The following PCTP variants were observed in gnomAD, a reference collection of about 807,000 sequenced individuals.
PCTP encodes phosphatidylcholine transfer protein, also known as START domain-containing protein 2.
PCTP carries 27 observed loss-of-function variants against 31.0 expected under a neutral mutation model. The ratio of observed to expected loss-of-function variants is 0.87; its 90% CI spans 0.64 to 1.20. PCTP has a LOEUF of 1.20. Among genes scored for constraint, PCTP ranks in the 50% most tolerant of loss-of-function variants. The pLI is 0.00. For missense variants in PCTP, 287 were observed against 268.2 expected, an observed-to-expected ratio of 1.07 and a Z score of -0.49; for synonymous variants, 108 against 101.2, an observed-to-expected ratio of 1.07 and a Z score of -0.40.
downstream of PCTP, among the ~76,000 whole-genome samples, chr17:55,847,331 C>G (rs550224043): frequency 4.2e-3 from 644 of 152,236 alleles, 7 homozygotes; most frequent in African/African-American, 0.015. Flanking sequence ...GCTCCATGGC[C>G]CTACCCAAAT....
At chr17:55,777,403 C>T (rs745675685), downstream of PCTP, 10 of 978,934 alleles carry the variant, frequency 1.0e-5, no homozygotes, top group Non-Finnish European at 1.2e-5. Context: ...TCCTTCCTAC[C>T]TTCTTCCTTT....
chr17:55,822,573 A>ATCAGC (rs1157605320), intron 3 of PCTP, among the ~76,000 whole-genome samples: 1 of 152,200 alleles, frequency 6.6e-6, no homozygotes, highest in Admixed American at 6.5e-5. Flanking sequence ...GAGGATAAAA[A>ATCAGC]TCAGCTCACA....
intron 2 of PCTP, among the ~76,000 whole-genome samples, chr17:55,786,531 A>G (rs1317945849): frequency 1.3e-5 from 2 of 152,232 alleles, no homozygotes; most frequent in African/African-American, 2.4e-5. Flanking sequence ...ACTTTATGCT[A>G]TGCTGACATC....
chr17:55,780,484 C>T (rs553284387), downstream of PCTP, among the ~76,000 whole-genome samples: 14 of 152,248 alleles, frequency 9.2e-5, no homozygotes, highest in South Asian at 2.1e-4. Context: ...TCCTTCCATC[C>T]GATGGTGGTT....
intron 3 of PCTP, among the ~76,000 whole-genome samples, chr17:55,797,835 A>G (rs1016153126): frequency 6.6e-6 from 1 of 152,054 alleles, no homozygotes; most frequent in South Asian, 2.1e-4. Context: ...AATGCCTTCA[A>G]TAAAAATTTA....
At chr17:55,818,817 C>G (rs1913014098) in intron 3 of PCTP, among the ~76,000 whole-genome samples, 1 of 151,674 alleles carries the variant, frequency 6.6e-6, no homozygotes, top group Admixed American at 6.6e-5. Flanking sequence ...AGATGGTAAG[C>G]CAGTGAAGCA....
chr17:55,800,763 T>C (rs1181851284), intron 3 of PCTP, among the ~76,000 whole-genome samples: 1 of 152,202 alleles, frequency 6.6e-6, no homozygotes, highest in Non-Finnish European at 1.5e-5. Context: ...TTTGTGGATT[T>C]ATCTACTTTT....
chr17:55,755,591 T>C (rs972625948), intron 1 of PCTP, among the ~76,000 whole-genome samples: 4 of 151,046 alleles, frequency 2.6e-5, no homozygotes, highest in African/African-American at 7.2e-5. Context: ...GTACAGCTTT[T>C]GATAATTTTT....
At chr17:55,772,569 A>C (rs1255563950) in intron 3 of PCTP, among the ~76,000 whole-genome samples, 13 of 136,554 alleles carry the variant, frequency 9.5e-5, no homozygotes, top group Non-Finnish European at 1.4e-4. Context: ...TCTGGGTGAG[A>C]CTCTGTCTCA....
chr17:55,782,447 T>C (rs898721535), intron 2 of PCTP, among the ~76,000 whole-genome samples: 2 of 152,196 alleles, frequency 1.3e-5, no homozygotes, highest in African/African-American at 4.8e-5. Context: ...AGGCACTAGA[T>C]TGGATGCTTT....
At chr17:55,852,049 A>G in the PCTP span, among the ~76,000 whole-genome samples, 12 of 152,288 alleles carry the variant, frequency 7.9e-5, no homozygotes, top group Admixed American at 2.6e-4. Context: ...GACTCTACAT[A>G]TTGTTTTGCA....
intron 1 of PCTP, among the ~76,000 whole-genome samples, chr17:55,757,592 C>T (rs1013933608): frequency 6.6e-6 from 1 of 151,738 alleles, no homozygotes; most frequent in African/African-American, 2.4e-5. Context: ...TCACACTCAT[C>T]AATGAATGTG....
At chr17:55,809,114 T>A (rs1445230769) in intron 3 of PCTP, among the ~76,000 whole-genome samples, 1 of 152,220 alleles carries the variant, frequency 6.6e-6, no homozygotes, top group Non-Finnish European at 1.5e-5. Flanking sequence ...TTTATTAGCT[T>A]ACTTCTTCTC....
At chr17:55,771,493 ACTT>A (rs1446747413) in intron 3 of PCTP, among the ~76,000 whole-genome samples, 2 of 152,168 alleles carry the variant, frequency 1.3e-5, no homozygotes, top group Non-Finnish European at 2.9e-5. Context: ...TCTGGAAGGA[ACTT>A]CTTATAAAAA....
chr17:55,814,634 A>G (rs2145051858), intron 3 of PCTP, among the ~76,000 whole-genome samples: 1 of 152,366 alleles, frequency 6.6e-6, no homozygotes, highest in East Asian at 1.9e-4. Flanking sequence ...TTCAAGAACC[A>G]CACTAGAAAG....
At chr17:55,809,111 GCTTA>G (rs1377132991) in intron 3 of PCTP, among the ~76,000 whole-genome samples, 2 of 152,136 alleles carry the variant, frequency 1.3e-5, no homozygotes, top group Admixed American at 6.5e-5. Flanking sequence ...CTCTTTATTA[GCTTA>G]CTTCTTCTCT....
Position 55,777,358 on chromosome 17 carries a change from A to G in PCTP, c.*1258A>G. On this transcript the variant is annotated 3_prime_UTR_variant, in exon 6 of 6. Transcript: ENST00000268896. ...GAAAAGTGTGTTCTATAATGAATAAATATAGAGTGGTTTTTACTTGTCCTG... is the reference window on the plus strand; with the variant it reads ...GAAAAGTGTGTTCTATAATGAATAAGTATAGAGTGGTTTTTACTTGTCCTG... 1.0e-6 allele frequency: 1 copy of G among 984,562 alleles called. No homozygotes were observed. The highest frequency in any genetic ancestry group is 1.2e-6 in the Non-Finnish European group (1 of 828,978). 61.0% of individuals were successfully genotyped at this position (984,562 alleles called of 1,614,324 possible).
intron 2 of PCTP, among the ~76,000 whole-genome samples, chr17:55,785,613 C>T (rs889111701): frequency 2.2e-4 from 33 of 152,352 alleles, no homozygotes; most frequent in Admixed American, 7.2e-4. Context: ...AAAATGATCA[C>T]ACATTATTCT....
chr17:55,792,171 G>GGGGAGGA (rs1479096114), intron 3 of PCTP, among the ~76,000 whole-genome samples: 1 of 111,146 alleles, frequency 9.0e-6, no homozygotes. Flanking sequence ...TGGGGGGAGG[G>GGGGAGGA]GGGAGGGTTA....
Sources: allele counts gnomAD v4.1 joint callset (sites outside exome capture counted in the v4.1 genomes callset), GRCh38; gene constraint gnomAD v4.1.1; transcripts MANE v1.5; gene names NCBI Gene and HGNC (gene_info 2026-07-23, HGNC 2026-07-21).